Variants in ZNF451 observed in about 807,000 individuals in gnomAD.
ZNF451 encodes the protein zinc finger protein 451, also known as E3 SUMO-protein ligase ZNF451.
ZNF451 carries 80 observed loss-of-function variants against 107.1 expected under a neutral mutation model. That is an observed-to-expected ratio of 0.75 (90% CI 0.62 to 0.90). The LOEUF is 0.90. Among genes scored for constraint, ZNF451 ranks in the 40% least tolerant of loss-of-function variants. The pLI is 0.00. For synonymous variants in ZNF451, 362 were observed against 406.5 expected, an observed-to-expected ratio of 0.89 and a Z score of 1.32; for missense variants, 1,107 against 1,236.2, an observed-to-expected ratio of 0.90 and a Z score of 1.57.
intron 4 of ZNF451, 124 bp downstream of exon 4, chr6:57,124,983 C>T: frequency 4.0e-6 from 2 of 501,830 alleles, no homozygotes; most frequent in Non-Finnish European, 3.1e-6. Flanking sequence ...CTAGATAGCT[C>T]ATGAATTTAG....
At chr6:57,160,989 A>G in intron 13 of ZNF451, 95 bp from the exon 14 acceptor site, 1 of 726,976 alleles carries the variant, frequency 1.4e-6, no homozygotes, top group Admixed American at 2.9e-5. Context: ...CTGTATTATA[A>G]TGAGTAAGCT....
rs775184011 is a variant in ZNF451 at position 57,148,713 on chromosome 6, T to G, written c.2608+20T>G. On this transcript the variant is annotated intron_variant, in intron 10 of 14. Coordinates refer to ENST00000370706, the MANE Select transcript of ZNF451 (RefSeq NM_001031623.3). ...ATATAGGTATGGCTTTATAGCTCTATGCAAATTTCATATACTGATATTGAA... is the reference window on the plus strand; with the variant it reads ...ATATAGGTATGGCTTTATAGCTCTAGGCAAATTTCATATACTGATATTGAA... 6 of 1,552,662 alleles carry G rather than the reference T, an allele frequency of 3.9e-6. No individual in the cohort carries two copies. The South Asian group carries it at 7.4e-5, about 19-fold the overall frequency.
At chr6:57,124,031 G>A (rs1327868390) in intron 3 of ZNF451, among the ~76,000 whole-genome samples, 2 of 152,126 alleles carry the variant, frequency 1.3e-5, no homozygotes, top group African/African-American at 4.8e-5. Flanking sequence ...AGGACTTCTA[G>A]TACAATGTTG....
intron 14 of ZNF451, chr6:57,165,065 G>A (rs923612245): frequency 1.3e-5 from 2 of 152,154 alleles, no homozygotes; most frequent in East Asian, 3.9e-4. Flanking sequence ...ATTCTTGATC[G>A]ACATTCTTAT....
chr6:57,121,632 T>C lies in ZNF451; in HGVS notation c.187-3102T>C, dbSNP rs1593116956. Among the ~76,000 whole-genome samples, 10 of 152,046 alleles carry C rather than the reference T, an allele frequency of 6.6e-5. 1 individual carries two copies. The South Asian group carries it at 2.1e-3, about 31-fold the overall frequency. On this transcript the variant is annotated intron_variant, in intron 3 of 14. Coordinates refer to ENST00000370706, the MANE Select transcript of ZNF451 (RefSeq NM_001031623.3). ...ATGTAGAATACAACCCCATTTACAA[T>C]AGCCACACAAAAAAATTGAATACCT...
At chr6:57,121,051 A>G (rs1008924157) in intron 3 of ZNF451, among the ~76,000 whole-genome samples, 6 of 152,006 alleles carry the variant, frequency 3.9e-5, no homozygotes, top group Admixed American at 6.6e-5. Flanking sequence ...TTTTATGTTA[A>G]TTTTTGTGAA....
intron 2 of ZNF451, among the ~76,000 whole-genome samples, chr6:57,095,152 T>C (rs1449062967): frequency 6.6e-6 from 1 of 152,192 alleles, no homozygotes; most frequent in Admixed American, 6.5e-5. Context: ...TCTTTTCCTT[T>C]GGGGTACATG....
intron 3 of ZNF451, chr6:57,106,820 CTT>C (rs1182072053): frequency 2.4e-5 from 24 of 984,592 alleles, no homozygotes; most frequent in Non-Finnish European, 2.8e-5. Flanking sequence ...ACAAACCAGT[CTT>C]TATTTTTTAC....
At chr6:57,156,212 G>C (rs9464419) in intron 13 of ZNF451, among the ~76,000 whole-genome samples, 17,987 of 152,024 alleles carry the variant, frequency 0.12, 1,308 homozygotes, top group African/African-American at 0.19. Flanking sequence ...GTATGTTCAG[G>C]CTTAGTTATC....
intron 5 of ZNF451, among the ~76,000 whole-genome samples, chr6:57,129,348 G>A (rs1831075413): frequency 6.6e-6 from 1 of 152,144 alleles, no homozygotes. Flanking sequence ...TCCTTGAAGA[G>A]TTGCTGTGGA....
intron 3 of ZNF451, among the ~76,000 whole-genome samples, chr6:57,121,289 T>C (rs1830625376): frequency 6.6e-6 from 1 of 152,236 alleles, no homozygotes; most frequent in Admixed American, 6.5e-5. Flanking sequence ...TGTAGTTTTA[T>C]AGTAAGTTTT....
chr6:57,102,166 A>G (rs1421724295), intron 3 of ZNF451: 2 of 1,442,876 alleles, frequency 1.4e-6, no homozygotes, highest in African/African-American at 1.4e-5. Flanking sequence ...TCCTTGTACA[A>G]ATAGGATCTA....
intron 7 of ZNF451, among the ~76,000 whole-genome samples, chr6:57,136,059 C>T (rs1440366542): frequency 2.6e-5 from 4 of 152,116 alleles, no homozygotes; most frequent in African/African-American, 4.8e-5. Context: ...AGAGAACATT[C>T]CCAGAACAGA....
chr6:57,160,170 A>G (rs1174415566), intron 13 of ZNF451, among the ~76,000 whole-genome samples: 2 of 152,202 alleles, frequency 1.3e-5, no homozygotes. Context: ...AGTTTCCCTT[A>G]TTAGTAACAT....
At chr6:57,106,030 C>G in intron 3 of ZNF451, 1 of 971,930 alleles carries the variant, frequency 1.0e-6, no homozygotes, top group Non-Finnish European at 1.2e-6. Context: ...TATATTAGTA[C>G]TACACTAATA....
chr6:57,159,853 G>A (rs1168798652), intron 13 of ZNF451, among the ~76,000 whole-genome samples: 1 of 152,208 alleles, frequency 6.6e-6, no homozygotes, highest in East Asian at 1.9e-4. Flanking sequence ...GCTTTTTAAT[G>A]TATATTTTAA....
At chr6:57,144,148 G>T (rs1831930861) in intron 9 of ZNF451, among the ~76,000 whole-genome samples, 2 of 150,938 alleles carry the variant, frequency 1.3e-5, no homozygotes, top group African/African-American at 4.9e-5. Context: ...ACTATTGATG[G>T]TTGCACATAT....
intron 7 of ZNF451, among the ~76,000 whole-genome samples, chr6:57,135,830 A>C (rs1831402124): frequency 6.6e-6 from 1 of 152,168 alleles, no homozygotes; most frequent in Non-Finnish European, 1.5e-5. Context: ...TATTTGAGTA[A>C]ATATCAAATT....
chr6:57,115,470 C>A (rs949991459), intron 3 of ZNF451: 2 of 152,158 alleles, frequency 1.3e-5, no homozygotes, highest in Non-Finnish European at 2.9e-5. Context: ...GTATGCTTAA[C>A]TTTCATGGAG....
Sources: gnomAD v4.1 joint callset for allele counts (sites outside exome capture counted in the v4.1 genomes callset) on GRCh38, gnomAD v4.1.1 for gene constraint, MANE v1.5 for transcripts, NCBI Gene and HGNC (gene_info 2026-07-23, HGNC 2026-07-21) for gene names.